Variants in PPP6R2 observed in about 807,000 individuals in gnomAD.
PPP6R2 encodes the protein serine/threonine-protein phosphatase 6 regulatory subunit 2.
PPP6R2 carries 62 observed loss-of-function variants against 100.2 expected under a neutral mutation model. That is an observed-to-expected ratio of 0.62 (90% CI 0.50 to 0.76). The LOEUF (loss-of-function observed/expected upper bound fraction) is 0.76. Ranked by LOEUF, PPP6R2 falls within the 30% of genes least tolerant of loss-of-function variation. The probability of loss-of-function intolerance (pLI) is 0.00; values close to 1 mark genes in which losing one functional copy is unlikely to be tolerated. For synonymous variants in PPP6R2, 525 were observed against 514.7 expected (o/e 1.02, Z -0.27); for missense variants, 1,142 against 1,276.3 (o/e 0.89, Z 1.60).
At chr22:50,425,523 G>C (rs2061971659) in intron 10 of PPP6R2, among the ~76,000 whole-genome samples, 1 of 152,168 alleles carries the variant, frequency 6.6e-6, no homozygotes, top group African/African-American at 2.4e-5. Context: ...AGTTCTTCTG[G>C]ATAAATACCT....
rs776441797 is a variant in PPP6R2 at position 50,422,336 on chromosome 22, C to T, written c.928C>T (p.Pro310Ser). Reference protein sequence around the residue: ...VSSSVLHGIEPRLKDFHQLLL... With the variant: ...VSSSVLHGIESRLKDFHQLLL... Reference sequence around the variant, plus strand: ...CAGCAGCGTACTACACGGCATCGAGCCTCGGCTGAAGGACTTCCACCAGCT... The same window carrying T: ...CAGCAGCGTACTACACGGCATCGAGTCTCGGCTGAAGGACTTCCACCAGCT... The change falls in exon 9 of 24, where the codon CCT becomes TCT. Residue 310 changes from proline to serine, a missense_variant. Physicochemically the swap from Pro to Ser is moderately conservative, Grantham distance 74. Around this residue, in one of 2 missense-constraint regions of PPP6R2, gnomAD observed 592 missense variants for 758.9 expected, o/e 0.78. Coordinates refer to ENST00000612753, the MANE Select transcript of PPP6R2 (RefSeq NM_001242898.2). 1.2e-6 allele frequency: 2 copies of T among 1,613,996 alleles called. No individual in the cohort carries two copies. Among genetic ancestry groups the T allele is most frequent in the Admixed American group, 1.7e-5 (1 of 60,000 alleles).
rs776903930 is a variant in PPP6R2, at chr22:50,423,658, C to T, written c.1125+44C>T. On this transcript the variant is annotated intron_variant, in intron 10 of 23. Transcript: ENST00000612753. This position sits in a 1 kb window ranked among gnomAD's most constrained non-coding sequence, Gnocchi z 4.8. ...CAGCCCTGCATGTCTGTGAGTGTGC[C>T]GGGCATGGCCTGTGGACTTGTCAGG... 34 of 1,608,386 alleles carry T rather than the reference C, an allele frequency of 2.1e-5. No homozygotes were observed. The East Asian group carries it at 3.4e-4, about 16-fold the overall frequency.
chr22:50,437,007 A>G lies in PPP6R2; in HGVS notation c.1622A>G (p.His541Arg), dbSNP rs1038251085. The change falls in exon 15 of 24, where the codon CAC becomes CGC. Residue 541 changes from histidine to arginine, a missense_variant. Around this residue, in one of 2 missense-constraint regions of PPP6R2, gnomAD observed 592 missense variants for 758.9 expected, o/e 0.78. Coordinates refer to ENST00000612753, the MANE Select transcript of PPP6R2 (RefSeq NM_001242898.2). ...TTTTAGGTGAGCACTCACCACCTTC[A>G]CTCCTCAAGTGAGGACGAGGACATT... ...TVDLVSTHHL[H>R]SSSEDEDIEG... 2.6e-6 allele frequency: 4 copies of G among 1,559,034 alleles called. No individual in the cohort carries two copies. Among genetic ancestry groups the G allele is most frequent in the Non-Finnish European group, 3.5e-6 (4 of 1,151,848 alleles).
rs151040168 is a variant in PPP6R2, at chr22:50,373,770, G to T, written c.-17+1620G>T. Among the ~76,000 whole-genome samples the T allele has an allele frequency of 4.2e-3, 644 of 151,778 alleles. 4 individuals carry two copies. Among genetic ancestry groups the T allele is most frequent in the African/African-American group, 0.015 (604 of 41,380 alleles). The stretch of plus-strand genomic sequence containing the variant: ...TTTTTGTGAGACAGAGTCTTGCTCT[G>T]TTGCCCATGCTGGAGTGCAATGGCA... On this transcript the variant is annotated intron_variant, in intron 2 of 23. Transcript: ENST00000612753.
rs1369762832 is a variant in PPP6R2 at position 50,422,296 on chromosome 22, G to C, written c.888G>C (p.Arg296Ser). ...LVDSFSQGLERSYAVSSSVLH... is the reference protein window; with the variant it reads ...LVDSFSQGLESSYAVSSSVLH... ...ACTCCTTTTCTCAGGGACTGGAAAG[G>C]TCATACGCTGTCAGCAGCAGCGTAC... Residue 296 changes from arginine (R) to serine (S), a missense_variant, in exon 9 of 24, where the codon AGG becomes AGC. By Grantham distance (110) the Arg-to-Ser change is moderately radical. Transcript: ENST00000612753. 2 of 1,614,120 alleles carry C rather than the reference G, an allele frequency of 1.2e-6. No individual in the cohort carries two copies. The highest frequency in any genetic ancestry group is 2.2e-5 in the South Asian group (2 of 91,066).
upstream of PPP6R2, among the ~76,000 whole-genome samples, chr22:50,338,307 T>A (rs1601852290): frequency 6.8e-6 from 1 of 146,952 alleles, no homozygotes; most frequent in African/African-American, 2.5e-5. Flanking sequence ...GTGTGTGGTG[T>A]GTGTGTGGTG....
chr22:50,436,338 G>T (rs1385261993), intron 13 of PPP6R2, 29 bp from the exon 14 acceptor site: 30 of 1,553,334 alleles, frequency 1.9e-5, no homozygotes, highest in Non-Finnish European at 2.6e-5. Flanking sequence ...GGGTCTCCCA[G>T]GGCTCACCAG....
At chr22:50,425,651 C>A (rs922050310) in intron 10 of PPP6R2, among the ~76,000 whole-genome samples, 1 of 152,174 alleles carries the variant, frequency 6.6e-6, no homozygotes, top group African/African-American at 2.4e-5. Flanking sequence ...CATCCTCCCC[C>A]TCATCCCGCC....
At chr22:50,354,515 GGGAGT>G (rs1245084061) in intron 1 of PPP6R2, among the ~76,000 whole-genome samples, 8 of 151,868 alleles carry the variant, frequency 5.3e-5, no homozygotes, top group Non-Finnish European at 2.9e-5. Flanking sequence ...GTGAAGCACT[GGGAGT>G]GGAAAAGGAA....
chr22:50,386,071 C>G (rs541046356), intron 2 of PPP6R2, among the ~76,000 whole-genome samples: 13 of 143,048 alleles, frequency 9.1e-5, no homozygotes, highest in East Asian at 4.2e-4. Context: ...GTGATCCGCC[C>G]GCCTCAGCCT....
chr22:50,407,018 G>A (rs1467168781), intron 4 of PPP6R2, 143 bp downstream of exon 4: 3 of 891,514 alleles, frequency 3.4e-6, no homozygotes, highest in Non-Finnish European at 5.3e-6. Context: ...GTGGAGCAGT[G>A]TGTGGGTTTT....
chr22:50,394,954 C>T (rs541414706), intron 3 of PPP6R2, among the ~76,000 whole-genome samples: 105 of 149,980 alleles, frequency 7.0e-4, no homozygotes, highest in African/African-American at 2.2e-3. Flanking sequence ...TGTCTTGTGC[C>T]GGCATTTTTT....
At chr22:50,441,920 G>A (rs1179753248) in intron 22 of PPP6R2, among the ~76,000 whole-genome samples, 6 of 152,142 alleles carry the variant, frequency 3.9e-5, no homozygotes, top group Non-Finnish European at 7.4e-5. Context: ...GGCTTGACGT[G>A]GGGAGGAGGG....
intron 4 of PPP6R2, among the ~76,000 whole-genome samples, chr22:50,407,152 G>A (rs1237769701): frequency 6.6e-6 from 1 of 152,116 alleles, no homozygotes; most frequent in African/African-American, 2.4e-5. Context: ...TTCAAGACCA[G>A]CCTGGCCAAC....
chr22:50,354,683 G>A (rs1048442966), intron 1 of PPP6R2, among the ~76,000 whole-genome samples: 3 of 151,740 alleles, frequency 2.0e-5, no homozygotes, highest in Non-Finnish European at 4.4e-5. Context: ...AAAATTAGCC[G>A]GGCATGGTGG....
At chr22:50,355,160 G>A (rs897337241) in intron 1 of PPP6R2, among the ~76,000 whole-genome samples, 10 of 150,958 alleles carry the variant, frequency 6.6e-5, no homozygotes, top group Admixed American at 6.6e-4. Flanking sequence ...TCAATTTCAC[G>A]ATTTTTGGTT....
chr22:50,437,480 T>TGCCAGA, intron 15 of PPP6R2, 26 bp from the exon 16 acceptor site: 1 of 728,382 alleles, frequency 1.4e-6, no homozygotes, highest in Non-Finnish European at 2.5e-6. Context: ...TGTCTGTCCG[T>TGCCAGA]CCCTCCCTCC....
At position 50,423,733 on chromosome 22, in the gene PPP6R2, G is replaced by A; in HGVS notation, c.1125+119G>A. The A allele has an allele frequency of 7.7e-7, 1 of 1,305,356 alleles. No homozygotes were observed. Among genetic ancestry groups the A allele is most frequent in the East Asian group, 2.5e-5 (1 of 39,430 alleles). The allele number at this position is 1,305,356 out of a possible 1,614,324, so 80.9% of individuals were successfully genotyped here. A position where few individuals can be genotyped will look rare whatever the true frequency, so the allele number is the denominator to read the frequency against. On this transcript the variant is annotated intron_variant, in intron 10 of 23. Transcript: ENST00000612753. This position sits in a 1 kb window ranked among gnomAD's most constrained non-coding sequence, Gnocchi z 4.8. Reference sequence around the variant, plus strand: ...TTGGACAAAGCTCTGCCACGGGGAGGTTCCAGTCCCAAGTCCCAAGGCTGG... The same window carrying A: ...TTGGACAAAGCTCTGCCACGGGGAGATTCCAGTCCCAAGTCCCAAGGCTGG...
At chr22:50,380,173 G>T (rs1317054286) in intron 2 of PPP6R2, among the ~76,000 whole-genome samples, 1 of 152,036 alleles carries the variant, frequency 6.6e-6, no homozygotes, top group Non-Finnish European at 1.5e-5. Context: ...AAGCTAGCTT[G>T]TAGAGACCCC....
Sources: allele counts gnomAD v4.1 joint callset (sites outside exome capture counted in the v4.1 genomes callset), GRCh38; gene constraint gnomAD v4.1.1; regional missense constraint gnomAD v4.1.1; non-coding constraint Gnocchi (gnomAD v3.1); transcripts MANE v1.5; gene names NCBI Gene and HGNC (gene_info 2026-07-23, HGNC 2026-07-21).